The following SLC9A9 variants were observed in gnomAD, a reference collection of about 807,000 sequenced individuals.
SLC9A9 encodes solute carrier family 9 member A9.
A neutral mutation model predicts 77.8 loss-of-function variants in SLC9A9; 62 were observed. The ratio of observed to expected loss-of-function variants is 0.80; its 90% CI spans 0.65 to 0.98. SLC9A9 has a LOEUF of 0.98. Among genes scored for constraint, SLC9A9 ranks in the 50% least tolerant of loss-of-function variants. The probability of loss-of-function intolerance (pLI) is 0.00; values close to 1 mark genes in which losing one functional copy is unlikely to be tolerated. For synonymous variants in SLC9A9, 320 were observed against 283.5 expected, an observed-to-expected ratio of 1.13 and a Z score of -1.29; for missense variants, 775 against 774.9, an observed-to-expected ratio of 1.00 and a Z score of 0.00.
intron 6 of SLC9A9, among the ~76,000 whole-genome samples, chr3:143,607,097 CA>C (rs1222995862): frequency 4.6e-5 from 7 of 151,102 alleles, no homozygotes; most frequent in African/African-American, 7.3e-5. Context: ...AAAATAAATA[CA>C]AAAAAATATA....
intron 12 of SLC9A9, among the ~76,000 whole-genome samples, chr3:143,419,978 A>C (rs1344715494): frequency 6.6e-6 from 1 of 152,204 alleles, no homozygotes; most frequent in Non-Finnish European, 1.5e-5. Flanking sequence ...GCTGGGAACT[A>C]AAAGTGATAT....
At chr3:143,607,599 T>C (rs1031023698) in intron 6 of SLC9A9, among the ~76,000 whole-genome samples, 6 of 152,032 alleles carry the variant, frequency 3.9e-5, no homozygotes, top group Non-Finnish European at 8.8e-5. Flanking sequence ...ATGTTAATTA[T>C]GTAGGCTAAA....
At chr3:143,465,201 C>T (rs2035263280) in intron 12 of SLC9A9, among the ~76,000 whole-genome samples, 1 of 152,166 alleles carries the variant, frequency 6.6e-6, no homozygotes. Context: ...TAACACTGGC[C>T]AGGCTGACTA....
At chr3:143,512,733 G>T (rs2036137198) in intron 9 of SLC9A9, among the ~76,000 whole-genome samples, 2 of 152,142 alleles carry the variant, frequency 1.3e-5, no homozygotes, top group African/African-American at 4.8e-5. Context: ...AAAATCAGCT[G>T]GTCGTGGTGG....
intron 4 of SLC9A9, among the ~76,000 whole-genome samples, chr3:143,754,827 C>G (rs1296763619): frequency 6.6e-6 from 1 of 152,156 alleles, no homozygotes; most frequent in Non-Finnish European, 1.5e-5. Flanking sequence ...GCCACTTTCT[C>G]CATGTATGGT....
chr3:143,449,434 TAA>T, intron 12 of SLC9A9, among the ~76,000 whole-genome samples: 1 of 25,506 alleles, frequency 3.9e-5, no homozygotes, highest in Non-Finnish European at 5.2e-5. Context: ...TAAAATATAA[TAA>T]TTATATAATT....
At chr3:143,356,136 T>C (rs998672432) in intron 14 of SLC9A9, among the ~76,000 whole-genome samples, 2 of 152,174 alleles carry the variant, frequency 1.3e-5, no homozygotes, top group Non-Finnish European at 1.5e-5. Flanking sequence ...AGGTAACAAT[T>C]CATAAAGTCA....
intron 8 of SLC9A9, among the ~76,000 whole-genome samples, chr3:143,572,351 G>A (rs1187818313): frequency 6.6e-6 from 1 of 151,772 alleles, no homozygotes; most frequent in Non-Finnish European, 1.5e-5. Context: ...ACATCCAACA[G>A]TAGATTAAAA....
At chr3:143,822,377 T>C (rs567630836) in intron 2 of SLC9A9, among the ~76,000 whole-genome samples, 1 of 152,340 alleles carries the variant, frequency 6.6e-6, no homozygotes, top group South Asian at 2.1e-4. Context: ...AGGACATTCT[T>C]GCTCCACACA....
At chr3:143,814,768 AC>A (rs761384890) in intron 2 of SLC9A9, among the ~76,000 whole-genome samples, 1 of 152,042 alleles carries the variant, frequency 6.6e-6, no homozygotes, top group Non-Finnish European at 1.5e-5. Flanking sequence ...TACCTTCCCT[AC>A]TCTGATGTCA....
At chr3:143,409,350 G>C (rs1342140182) in intron 12 of SLC9A9, among the ~76,000 whole-genome samples, 1 of 152,214 alleles carries the variant, frequency 6.6e-6, no homozygotes, top group Non-Finnish European at 1.5e-5. Context: ...AGGTGACACA[G>C]CAAGAAGGAG....
At chr3:143,800,330 A>G (rs930565807) in intron 2 of SLC9A9, among the ~76,000 whole-genome samples, 43 of 152,190 alleles carry the variant, frequency 2.8e-4, no homozygotes, top group African/African-American at 8.9e-4. Context: ...CTTGCCTGTT[A>G]CAGCATGGCC....
At chr3:143,770,197 T>A (rs566839238) in intron 4 of SLC9A9, among the ~76,000 whole-genome samples, 2 of 152,224 alleles carry the variant, frequency 1.3e-5, no homozygotes, top group Non-Finnish European at 2.9e-5. Context: ...AGGTAAATCC[T>A]AACTGAATAC....
At chr3:143,534,981 A>T (rs1202703388) in intron 9 of SLC9A9, among the ~76,000 whole-genome samples, 1 of 152,224 alleles carries the variant, frequency 6.6e-6, no homozygotes, top group Admixed American at 6.5e-5. Context: ...TCTCCCAAAT[A>T]GAATTCCAAG....
chr3:143,727,175 T>C (rs1437676487), intron 4 of SLC9A9, among the ~76,000 whole-genome samples: 2 of 152,178 alleles, frequency 1.3e-5, no homozygotes, highest in East Asian at 1.9e-4. Flanking sequence ...TAAATATTCA[T>C]TGATTGATAT....
intron 4 of SLC9A9, among the ~76,000 whole-genome samples, chr3:143,786,379 T>C (rs2008058938): frequency 6.6e-6 from 1 of 152,232 alleles, no homozygotes; most frequent in Non-Finnish European, 1.5e-5. Context: ...TCCCCTTTTT[T>C]ATTCCCTCGG....
chr3:143,402,718 C>T (rs190822250), intron 12 of SLC9A9, among the ~76,000 whole-genome samples: 17 of 149,922 alleles, frequency 1.1e-4, no homozygotes, highest in African/African-American at 3.9e-4. Flanking sequence ...TTCCCATCCC[C>T]TTTCCCTTCA....
intron 12 of SLC9A9, among the ~76,000 whole-genome samples, chr3:143,433,114 C>G (rs190672977): frequency 1.9e-4 from 29 of 152,276 alleles, no homozygotes; most frequent in African/African-American, 7.0e-4. Flanking sequence ...TTTGGCCAAC[C>G]CTTTTATGCA....
intron 5 of SLC9A9, among the ~76,000 whole-genome samples, chr3:143,691,201 C>T (rs571819045): frequency 2.0e-5 from 3 of 152,048 alleles, no homozygotes; most frequent in East Asian, 1.9e-4. Context: ...CTGGAACTAC[C>T]GAAGTGCACC....
Sources: gnomAD v4.1 joint callset for allele counts (sites outside exome capture counted in the v4.1 genomes callset) on GRCh38, gnomAD v4.1.1 for gene constraint, MANE v1.5 for transcripts, NCBI Gene and HGNC (gene_info 2026-07-23, HGNC 2026-07-21) for gene names.